Variants in MINK1 observed in about 807,000 individuals in gnomAD.
The protein encoded by MINK1 is misshapen like kinase 1.
In MINK1, 46 loss-of-function variants were observed where a neutral mutation model predicts 178.4. The ratio of observed to expected loss-of-function variants is 0.26; its 90% CI spans 0.20 to 0.33. The LOEUF is 0.33. MINK1 is among the 10% of genes least tolerant of loss of function. MINK1 has a pLI of 1.00. For missense variants in MINK1, 1,366 were observed against 1,814.9 expected (o/e 0.75, Z 4.49); for synonymous variants, 797 against 709.7 (o/e 1.12, Z -1.96).
chr17:4,880,367 G>A (rs1234979724), intron 2 of MINK1, among the ~76,000 whole-genome samples: 2 of 147,942 alleles, frequency 1.4e-5, no homozygotes, highest in African/African-American at 2.5e-5. Flanking sequence ...GCACAGTCTC[G>A]GCTTGCCTCC....
chr17:4,895,970 A>C lies in MINK1; in HGVS notation c.3365-33A>C, dbSNP rs1465118660. The C allele has an allele frequency of 1.3e-6, 2 of 1,573,576 alleles. No homozygotes were observed. Among genetic ancestry groups the C allele is most frequent in the Admixed American group, 3.8e-5 (2 of 53,296 alleles). On this transcript the variant is annotated intron_variant, in intron 27 of 31. Coordinates refer to ENST00000355280, the MANE Select transcript of MINK1 (RefSeq NM_153827.5). This position sits in a 1 kb window ranked among gnomAD's most constrained non-coding sequence, Gnocchi z 4.3. ...GAGGCGCCCGTGGCGCAAGAAGGGA[A>C]GTCTCAGCATCCCTCTTCTCTCCCG...
chr17:4,892,577 G>A, intron 18 of MINK1, 65 bp downstream of exon 18: 1 of 1,536,608 alleles, frequency 6.5e-7, no homozygotes, highest in Non-Finnish European at 8.9e-7. Context: ...CCTGGTGATG[G>A]CTCCCTCTGC....
At position 4,897,459 on chromosome 17, in the gene MINK1, C is replaced by T; in HGVS notation, c.*172C>T. ...CCCTGATGCTTTCGTGATCACGTGA[C>T]CATCCTCTTCCCCAACATGTCCTCT... On this transcript the variant is annotated 3_prime_UTR_variant, in exon 32 of 32. Transcript: ENST00000355280. The T allele has an allele frequency of 1.7e-6, 1 of 594,204 alleles. No homozygotes were observed. 36.8% of individuals were successfully genotyped at this position (594,204 alleles called of 1,614,324 possible). A position where few individuals can be genotyped will look rare whatever the true frequency, so the allele number is the denominator to read the frequency against.
chr17:4,835,804 C>T (rs558396166), intron 1 of MINK1, among the ~76,000 whole-genome samples: 3 of 152,120 alleles, frequency 2.0e-5, no homozygotes, highest in Non-Finnish European at 4.4e-5. Context: ...TGTGGTATTT[C>T]CCTTCTGGAC....
intron 1 of MINK1, among the ~76,000 whole-genome samples, chr17:4,842,154 G>A (rs773332581): frequency 7.3e-5 from 11 of 151,496 alleles, no homozygotes; most frequent in Non-Finnish European, 1.3e-4. Flanking sequence ...AACCCGGGAG[G>A]CGGAGCTTGT....
chr17:4,881,186 C>G lies in MINK1; in HGVS notation c.235C>G (p.His79Asp). 6.5e-7 allele frequency: 1 copy of G among 1,537,198 alleles called. No homozygotes were observed. The highest frequency in any genetic ancestry group is 2.0e-5 in the Admixed American group (1 of 51,002). ...CAACATGCTGAAAAAGTACTCTCACCACCGCAACATCGCCACCTACTACGG... is the reference window on the plus strand; with the variant it reads ...CAACATGCTGAAAAAGTACTCTCACGACCGCAACATCGCCACCTACTACGG... ...EINMLKKYSH[H>D]RNIATYYGAF... Residue 79 changes from histidine to aspartate, a missense_variant, in exon 4 of 32, where the codon CAC becomes GAC. Physicochemically the swap from His to Asp is moderately conservative, Grantham distance 81 (BLOSUM62 -1). Around this residue, in one of 14 missense-constraint regions of MINK1, gnomAD observed 109 missense variants for 369.4 expected, o/e 0.30. Coordinates refer to ENST00000355280, the MANE Select transcript of MINK1 (RefSeq NM_153827.5).
chr17:4,881,512 C>T (rs895978638), intron 4 of MINK1, among the ~76,000 whole-genome samples: 1 of 152,206 alleles, frequency 6.6e-6, no homozygotes, highest in Non-Finnish European at 1.5e-5. Context: ...CCCAACCCTT[C>T]CCCTAACCAG....
In MINK1 at chr17:4,895,941, C is replaced by T. The variant is rs2270158; in HGVS notation, c.3365-62C>T. 0.13 allele frequency: 202,333 copies of T among 1,567,438 alleles called. 14,036 individuals are homozygous for T. The highest frequency in any genetic ancestry group is 0.26 in the African/African-American group (19,070 of 73,778). The stretch of plus-strand genomic sequence containing the variant: ...GGTGGGGCAGTGTAGTGACAGACCA[C>T]GGGGAGGCGCCCGTGGCGCAAGAAG... On this transcript the variant is annotated intron_variant, in intron 27 of 31. Coordinates refer to ENST00000355280, the MANE Select transcript of MINK1 (RefSeq NM_153827.5). The surrounding 1 kb of genome is among the most constrained non-coding windows in gnomAD (Gnocchi z 4.3).
chr17:4,868,640 T>C (rs1404483553), intron 1 of MINK1, among the ~76,000 whole-genome samples: 1 of 152,266 alleles, frequency 6.6e-6, no homozygotes, highest in Admixed American at 6.5e-5. Context: ...ATATGCCATA[T>C]TTTATGTATG....
chr17:4,887,301 G>A lies in MINK1; in HGVS notation c.1019+122G>A. On this transcript the variant is annotated intron_variant, in intron 11 of 31. Coordinates refer to ENST00000355280, the MANE Select transcript of MINK1 (RefSeq NM_153827.5). This position sits in a 1 kb window ranked among gnomAD's most constrained non-coding sequence, Gnocchi z 7.6. Reference sequence around the variant, plus strand: ...TGGGCACAGAGAGGTAGAGACTCCTGGAAACCAAATTTCTGAGTGCTAAGA... The same window carrying A: ...TGGGCACAGAGAGGTAGAGACTCCTAGAAACCAAATTTCTGAGTGCTAAGA... 4 of 1,042,662 alleles carry A rather than the reference G, an allele frequency of 3.8e-6. No individual in the cohort carries two copies. Among genetic ancestry groups the A allele is most frequent in the South Asian group, 1.5e-5 (1 of 68,436 alleles). 64.6% of individuals were successfully genotyped at this position (1,042,662 alleles called of 1,614,324 possible). A position where few individuals can be genotyped will look rare whatever the true frequency, so the allele number is the denominator to read the frequency against.
At chr17:4,876,231 C>T (rs1392295796) in intron 1 of MINK1, among the ~76,000 whole-genome samples, 1 of 152,236 alleles carries the variant, frequency 6.6e-6, no homozygotes, top group Non-Finnish European at 1.5e-5. Flanking sequence ...TCCTCCCGAG[C>T]AGGCTGGGCT....
Position 4,893,017 on chromosome 17 carries a change from G to T in MINK1, c.2350G>T (p.Gly784Trp), listed in dbSNP as rs865881079. Residue 784 changes from glycine (G) to tryptophan (W), a missense_variant, in exon 20 of 32, where the codon GGG becomes TGG. Physicochemically the swap from Gly to Trp is radical, Grantham distance 184 (BLOSUM62 -2). This residue lies in a region of MINK1 where 709 missense variants were observed against 692.3 expected (regional missense o/e 1.02). Coordinates refer to ENST00000355280, the MANE Select transcript of MINK1 (RefSeq NM_153827.5). ...KPDSSPVLSP[G>W]NKAKPDDHRS... ...GGACAGCTCCCCTGTGCTCTCCCCT[G>T]GGAATAAAGCCAAGCCCGACGACCA... The T allele has an allele frequency of 6.3e-7, 1 of 1,580,686 alleles. No individual in the cohort carries two copies. Among genetic ancestry groups the T allele is most frequent in the East Asian group, 2.4e-5 (1 of 42,166 alleles).
rs558148712 is a variant in MINK1, at chr17:4,897,424, G to A, written c.*137G>A. The A allele has an allele frequency of 2.5e-5, 18 of 709,098 alleles. No individual in the cohort carries two copies. In the African/African-American group the frequency reaches 3.2e-4, roughly 13 times the overall value. The allele number at this position is 709,098 out of a possible 1,614,324, so 43.9% of individuals were successfully genotyped here. On this transcript the variant is annotated 3_prime_UTR_variant, in exon 32 of 32. Coordinates refer to ENST00000355280, the MANE Select transcript of MINK1 (RefSeq NM_153827.5). ...TTTCACTGGAGCCTGCTGGGAACGT[G>A]ACCTCTGACCCCTGATGCTTTCGTG...
At position 4,885,078 on chromosome 17, in the gene MINK1, T is replaced by C. The variant is rs553539302; in HGVS notation, c.508+76T>C. The C allele has an allele frequency of 1.2e-5, 17 of 1,412,740 alleles. No homozygotes were observed. Among genetic ancestry groups the C allele is most frequent in the Non-Finnish European group, 1.7e-5 (17 of 1,013,076 alleles). The allele number at this position is 1,412,740 out of a possible 1,614,324, so 87.5% of individuals were successfully genotyped here. A position where few individuals can be genotyped will look rare whatever the true frequency, so the allele number is the denominator to read the frequency against. ...AGAATGAGGGGCCCCTTTTTCTCTC[T>C]GGTGGCTCAGGCCCAACTCCCTTCC... is the stretch of plus-strand genomic sequence containing the variant. On this transcript the variant is annotated intron_variant, in intron 6 of 31. Transcript: ENST00000355280. The surrounding 1 kb of genome is among the most constrained non-coding windows in gnomAD (Gnocchi z 5.0).
In MINK1 at chr17:4,895,329, G is replaced by T. The variant is rs767202851; in HGVS notation, c.3086-21G>T. On this transcript the variant is annotated intron_variant, in intron 25 of 31. Coordinates refer to ENST00000355280, the MANE Select transcript of MINK1 (RefSeq NM_153827.5). This position sits in a 1 kb window ranked among gnomAD's most constrained non-coding sequence, Gnocchi z 4.3. ...GAGGGCCTGGCTGAGCCTCTGACCT[G>T]CCCAAGGGCTCCTGTTGCAGGGGTC... The T allele has an allele frequency of 6.2e-7, 1 of 1,603,510 alleles. No homozygotes were observed. The highest frequency in any genetic ancestry group is 8.5e-7 in the Non-Finnish European group (1 of 1,173,582).
chr17:4,863,342 A>G (rs890616335), intron 1 of MINK1, among the ~76,000 whole-genome samples: 1 of 152,126 alleles, frequency 6.6e-6, no homozygotes, highest in Non-Finnish European at 1.5e-5. Flanking sequence ...TACCTGAGAT[A>G]ATAATGGGCT....
intron 1 of MINK1, among the ~76,000 whole-genome samples, chr17:4,838,160 AG>A (rs1406161012): frequency 6.6e-6 from 1 of 152,218 alleles, no homozygotes; most frequent in Non-Finnish European, 1.5e-5. Context: ...AAATTGCAAA[AG>A]GGGAATGGGG....
intron 1 of MINK1, among the ~76,000 whole-genome samples, chr17:4,834,531 A>C (rs1005129805): frequency 1.3e-5 from 2 of 152,248 alleles, no homozygotes; most frequent in African/African-American, 4.8e-5. Context: ...GTTGAGAGGA[A>C]GCAAATGCTG....
intron 5 of MINK1, 130 bp from the exon 6 acceptor site, chr17:4,884,782 G>A (rs1968045688): frequency 1.3e-6 from 1 of 780,074 alleles, no homozygotes; most frequent in African/African-American, 1.7e-5. Context: ...GGCTCCTGGT[G>A]GAGAAGGTCT....
Sources: gnomAD v4.1 joint callset for allele counts (sites outside exome capture counted in the v4.1 genomes callset) on GRCh38, gnomAD v4.1.1 for gene constraint, gnomAD v4.1.1 regional missense constraint, Gnocchi (gnomAD v3.1) non-coding constraint, MANE v1.5 for transcripts, NCBI Gene and HGNC (gene_info 2026-07-23, HGNC 2026-07-21) for gene names.